The following LILRA2 variants were observed in gnomAD, a reference collection of about 807,000 sequenced individuals.
LILRA2 encodes the protein leukocyte immunoglobulin-like receptor subfamily A member 2.
In LILRA2, 45 loss-of-function variants were observed where a neutral mutation model predicts 47.9. The ratio of observed to expected loss-of-function variants is 0.94; its 90% CI spans 0.74 to 1.20. The LOEUF (loss-of-function observed/expected upper bound fraction) is 1.20. Among genes scored for constraint, LILRA2 ranks in the 50% most tolerant of loss-of-function variants. The pLI, the probability that LILRA2 is intolerant of heterozygous loss-of-function variation, is 0.00. For missense variants in LILRA2, 651 were observed against 598.2 expected (o/e 1.09, Z -0.92); for synonymous variants, 279 against 249.2 (o/e 1.12, Z -1.13).
In LILRA2 at chr19:54,575,521, C is replaced by T. The variant is rs1441666961; in HGVS notation, c.921C>T (p.Ala307=). 3 of 1,612,240 alleles carry T rather than the reference C, an allele frequency of 1.9e-6. No individual in the cohort carries two copies. The highest frequency in any genetic ancestry group is 1.3e-5 in the African/African-American group (1 of 74,816). Reference sequence around the variant, plus strand: ...ACAACCTCTCCTCCGAGTGGTCGGCCCCCAGTGACCCCCTGGACATCCTGA... The same window carrying T: ...ACAACCTCTCCTCCGAGTGGTCGGCTCCCAGTGACCCCCTGGACATCCTGA... ...SAHNLSSEWS[A]PSDPLDILIT... The change falls in exon 5 of 8, where the codon GCC becomes GCT. Residue 307 remains alanine, a synonymous_variant. Transcript: ENST00000391738.
At chr19:54,581,521 G>A (rs1471416555) in intron 6 of LILRA2, among the ~76,000 whole-genome samples, 5 of 140,302 alleles carry the variant, frequency 3.6e-5, no homozygotes, top group East Asian at 2.0e-4. Context: ...GTAGATATGC[G>A]GCATTATTTC....
upstream of LILRA2, chr19:54,573,499 A>G (rs28708796): frequency 0.1 from 98,242 of 964,312 alleles, 5,289 homozygotes; most frequent in South Asian, 0.16. Flanking sequence ...CCCATGGGGA[A>G]GCTCTGAGAA....
intron 6 of LILRA2, among the ~76,000 whole-genome samples, chr19:54,580,125 C>G (rs2062598505): frequency 6.6e-6 from 1 of 151,706 alleles, no homozygotes; most frequent in Non-Finnish European, 1.5e-5. Context: ...ATTGCCCTAG[C>G]CAGAACTTCC....
In LILRA2 at chr19:54,575,459, C is replaced by T. The variant is rs754296387; in HGVS notation, c.859C>T (p.Pro287Ser). ...QANFTLGPVS[P>S]SHGGQYRCYS... ...CAACTTCACCCTGGGCCCTGTGAGC[C>T]CCTCCCACGGGGGCCAGTACAGATG... is the stretch of plus-strand genomic sequence containing the variant. The change falls in exon 5 of 8, where the codon CCC (proline) becomes TCC (serine). Residue 287 changes from proline to serine, a missense_variant. Transcript: ENST00000391738. 1.2e-6 allele frequency: 2 copies of T among 1,613,824 alleles called. No individual in the cohort carries two copies. Among genetic ancestry groups the T allele is most frequent in the South Asian group, 2.2e-5 (2 of 91,058 alleles).
chr19:54,583,597 CT>C (rs543452205), intron 6 of LILRA2, among the ~76,000 whole-genome samples: 11,463 of 146,900 alleles, frequency 0.078, 1,438 homozygotes, highest in African/African-American at 0.27. Flanking sequence ...GCAACTCCTG[CT>C]TTTTTTTTTT....
chr19:54,585,738 C>T (rs920969834), intron 6 of LILRA2, among the ~76,000 whole-genome samples: 3 of 152,186 alleles, frequency 2.0e-5, no homozygotes, highest in African/African-American at 7.2e-5. Context: ...CCTCCGACCC[C>T]TTGTGCTTCC....
Position 54,587,181 on chromosome 19 carries a change from T to C in LILRA2, c.1307-20T>C. The C allele has an allele frequency of 1.2e-6, 2 of 1,613,974 alleles. No individual in the cohort carries two copies. Among genetic ancestry groups the C allele is most frequent in the Non-Finnish European group, 1.7e-6 (2 of 1,179,964 alleles). ...GGGGTGATTCCGATCTGCCCTGACC[T>C]CTGTGACCTCTTTGTCCAGCATCCC... On this transcript the variant is annotated intron_variant, in intron 7 of 7. Coordinates refer to ENST00000391738, the MANE Select transcript of LILRA2 (RefSeq NM_001130917.3).
intron 6 of LILRA2, chr19:54,577,469 C>T (rs2062499908): frequency 3.1e-6 from 4 of 1,283,388 alleles, no homozygotes; most frequent in Non-Finnish European, 4.1e-6. Context: ...TCCAAGAGCC[C>T]CTGAGTATAA....
At chr19:54,582,403 C>T (rs1181390561) in intron 6 of LILRA2, among the ~76,000 whole-genome samples, 1 of 152,072 alleles carries the variant, frequency 6.6e-6, no homozygotes, top group East Asian at 1.9e-4. Context: ...TCCTTCTGGT[C>T]CTGGATTTTT....
chr19:54,574,576 G>A lies in LILRA2; in HGVS notation c.346G>A (p.Val116Met), dbSNP rs138441532. 491 of 1,613,994 alleles carry A rather than the reference G, an allele frequency of 3.0e-4. 1 individual carries two copies. The African/African-American group carries it at 5.4e-3, about 18-fold the overall frequency. ...SEYSDPLELV[V>M]TGAYSKPTLS... ...GTACAGTGACCCCCTGGAGCTGGTG[G>A]TGACAGGTGAGAGGACACTCAGGAG... The change falls in exon 3 of 8, where the codon GTG becomes ATG. Residue 116 changes from valine to methionine, a missense_variant. Transcript: ENST00000391738.
At chr19:54,586,371 A>G (rs2062807759) in intron 6 of LILRA2, among the ~76,000 whole-genome samples, 1 of 151,874 alleles carries the variant, frequency 6.6e-6, no homozygotes, top group African/African-American at 2.4e-5. Context: ...ACATATGCAT[A>G]TTTGTGTGTG....
chr19:54,580,346 C>T (rs1436306857), intron 6 of LILRA2, among the ~76,000 whole-genome samples: 1 of 94,376 alleles, frequency 1.1e-5, no homozygotes, highest in Non-Finnish European at 2.1e-5. Context: ...TGCTATCCCT[C>T]CCCCCTCCCC....
In LILRA2 at chr19:54,587,339, G is replaced by A. The variant is rs762003447; in HGVS notation, c.1445G>A (p.Gly482Glu). 1 of 1,614,166 alleles carries A rather than the reference G, an allele frequency of 6.2e-7. No homozygotes were observed. The highest frequency in any genetic ancestry group is 8.5e-7 in the Non-Finnish European group (1 of 1,180,018). ...HSQRSLQDAA[G>E]R ...CAGAGAAGCCTACAAGATGCAGCCG[G>A]GAGGTGAACAGCAGAGAGGACAATG... Residue 482 changes from glycine (G) to glutamate (E), a missense_variant, in exon 8 of 8, where the codon GGG (glycine) becomes GAG (glutamate). Physicochemically the swap from Gly to Glu is moderately conservative, Grantham distance 98. Coordinates refer to ENST00000391738, the MANE Select transcript of LILRA2 (RefSeq NM_001130917.3).
intron 6 of LILRA2, among the ~76,000 whole-genome samples, chr19:54,578,930 A>C (rs1016258691): frequency 1.3e-5 from 2 of 151,410 alleles, no homozygotes; most frequent in African/African-American, 4.9e-5. Flanking sequence ...TCTCTTGAGA[A>C]GTGTCTGTTC....
chr19:54,580,213 T>TTTTTA (rs1351147526), intron 6 of LILRA2, among the ~76,000 whole-genome samples: 1 of 142,614 alleles, frequency 7.0e-6, no homozygotes, highest in African/African-American at 2.8e-5. Flanking sequence ...TTTTTTTTTT[T>TTTTTA]ATTATACTCT....
rs777428234 is a variant in LILRA2 at position 54,575,415 on chromosome 19, A to C, written c.815A>C (p.Gln272Pro). The C allele has an allele frequency of 1.1e-5, 17 of 1,613,892 alleles. No individual in the cohort carries two copies. Among genetic ancestry groups the C allele is most frequent in the Non-Finnish European group, 5.9e-6 (7 of 1,179,972 alleles). ...DFLQRPGWQP[Q>P]AGLSQANFTL... Reference sequence around the variant, plus strand: ...CTCCAGCGCCCTGGTTGGCAGCCCCAGGCTGGGCTCTCCCAGGCCAACTTC... The same window carrying C: ...CTCCAGCGCCCTGGTTGGCAGCCCCCGGCTGGGCTCTCCCAGGCCAACTTC... The change falls in exon 5 of 8, where the codon CAG (glutamine) becomes CCG (proline). Residue 272 changes from glutamine to proline, a missense_variant. Physicochemically the swap from Gln to Pro is moderately conservative, Grantham distance 76. Coordinates refer to ENST00000391738, the MANE Select transcript of LILRA2 (RefSeq NM_001130917.3).
At chr19:54,586,427 C>T (rs1233707873) in intron 6 of LILRA2, among the ~76,000 whole-genome samples, 1 of 152,108 alleles carries the variant, frequency 6.6e-6, no homozygotes, top group Admixed American at 6.6e-5. Flanking sequence ...GGGTTACTGC[C>T]TGTATGAGGA....
rs753290814 is a variant in LILRA2 at position 54,578,752 on chromosome 19, G to A, written c.1255+2643G>A. The stretch of plus-strand genomic sequence containing the variant: ...ACACTCCCACCAACAGTGTAAAAGC[G>A]TTCCTATTTTTCCACATCCTCTCCA... On this transcript the variant is annotated intron_variant, in intron 6 of 7. Coordinates refer to ENST00000391738, the MANE Select transcript of LILRA2 (RefSeq NM_001130917.3). Among the ~76,000 whole-genome samples, 4 of 152,276 alleles carry A rather than the reference G, an allele frequency of 2.6e-5. No individual in the cohort carries two copies. The East Asian group carries it at 5.8e-4, about 22-fold the overall frequency.
chr19:54,577,561 G>A (rs1421400779), intron 6 of LILRA2: 1 of 1,289,740 alleles, frequency 7.8e-7, no homozygotes, highest in African/African-American at 1.5e-5. Context: ...GGATCTGACT[G>A]TGATGAGGCT....
Sources: gnomAD v4.1 joint callset for allele counts (sites outside exome capture counted in the v4.1 genomes callset) on GRCh38, gnomAD v4.1.1 for gene constraint, MANE v1.5 for transcripts, NCBI Gene and HGNC (gene_info 2026-07-23, HGNC 2026-07-21) for gene names.